The following RPRD1A variants were observed in gnomAD, a reference collection of about 807,000 sequenced individuals.
RPRD1A encodes the protein regulation of nuclear pre-mRNA domain-containing protein 1A.
RPRD1A carries 9 observed loss-of-function variants against 37.8 expected under a neutral mutation model. The ratio of observed to expected loss-of-function variants is 0.24; its 90% CI spans 0.14 to 0.42. The LOEUF (loss-of-function observed/expected upper bound fraction) is 0.42. Among genes scored for constraint, RPRD1A ranks in the 10% least tolerant of loss-of-function variants. The pLI, the probability that RPRD1A is intolerant of heterozygous loss-of-function variation, is 1.00. For synonymous variants in RPRD1A, 138 were observed against 139.7 expected (o/e 0.99, Z 0.08); for missense variants, 255 against 371.0 (o/e 0.69, Z 2.57).
In RPRD1A at chr18:36,035,032, A is replaced by G. The variant is rs553713704; in HGVS notation, c.152-1195T>C. Reference sequence around the variant, plus strand: ...AAGTTGCTGGCATGGAATAAAAATAAGAAGAGATGGCTATAACAGAGACCA... The same window carrying G: ...AAGTTGCTGGCATGGAATAAAAATAGGAAGAGATGGCTATAACAGAGACCA... On this transcript the variant is annotated intron_variant, in intron 1 of 6. Transcript: ENST00000399022. Among the ~76,000 whole-genome samples, 12 of 152,350 alleles carry G rather than the reference A, an allele frequency of 7.9e-5. No individual in the cohort carries two copies. In the East Asian group the frequency reaches 2.1e-3, roughly 27 times the overall value.
At chr18:36,049,323 C>T (rs1913200195) in intron 1 of RPRD1A, among the ~76,000 whole-genome samples, 1 of 152,100 alleles carries the variant, frequency 6.6e-6, no homozygotes, top group Admixed American at 6.5e-5. Flanking sequence ...AAACTAATTT[C>T]TTTTTTAAAC....
At chr18:36,048,642 C>CT (rs1365504083) in intron 1 of RPRD1A, among the ~76,000 whole-genome samples, 1 of 145,986 alleles carries the variant, frequency 6.8e-6, no homozygotes, top group Non-Finnish European at 1.5e-5. Flanking sequence ...TAAAAAGCAC[C>CT]TAAAAAAAAA....
At chr18:36,007,485 C>T (rs1264369127) in intron 6 of RPRD1A, among the ~76,000 whole-genome samples, 1 of 152,078 alleles carries the variant, frequency 6.6e-6, no homozygotes, top group African/African-American at 2.4e-5. Context: ...TTCCAGTGAT[C>T]GGAATGCAGG....
chr18:36,058,076 C>T (rs929418548), intron 1 of RPRD1A, among the ~76,000 whole-genome samples: 1 of 152,186 alleles, frequency 6.6e-6, no homozygotes, highest in African/African-American at 2.4e-5. Flanking sequence ...CAGGGTCTCA[C>T]TCTGTTGCCC....
rs1459880760 is a variant in RPRD1A at position 36,025,578 on chromosome 18, A to G, written c.789+1322T>C. 5 of 1,218,732 alleles carry G rather than the reference A, an allele frequency of 4.1e-6. No individual in the cohort carries two copies. In the East Asian group the frequency reaches 2.8e-4, roughly 69 times the overall value. The allele number at this position is 1,218,732 out of a possible 1,614,324, so 75.5% of individuals were successfully genotyped here. Reference sequence around the variant, plus strand: ...TACAGTCTTCTCTTCAATTTTCAAAAACATGAGACAATACAGGCTTCAGGG... The same window carrying G: ...TACAGTCTTCTCTTCAATTTTCAAAGACATGAGACAATACAGGCTTCAGGG... On this transcript the variant is annotated intron_variant, in intron 6 of 6. Coordinates refer to ENST00000399022, the MANE Select transcript of RPRD1A (RefSeq NM_018170.5).
At chr18:36,025,907 A>C (rs912807312) in intron 6 of RPRD1A, 13 of 286,930 alleles carry the variant, frequency 4.5e-5, no homozygotes, top group Admixed American at 2.5e-4. Context: ...ACCTCTTCAA[A>C]GGTATAGTGG....
intron 6 of RPRD1A, among the ~76,000 whole-genome samples, chr18:36,010,411 T>A (rs1008776120): frequency 2.0e-5 from 3 of 152,168 alleles, no homozygotes; most frequent in African/African-American, 7.2e-5. Context: ...GAGGATTGCT[T>A]GAGCCCAGGA....
At chr18:36,020,054 G>A (rs1159669301) in intron 6 of RPRD1A, among the ~76,000 whole-genome samples, 1 of 152,140 alleles carries the variant, frequency 6.6e-6, no homozygotes, top group Non-Finnish European at 1.5e-5. Flanking sequence ...AATGGAAGGG[G>A]AAGGAAAGGA....
At chr18:36,004,785 C>G (rs1909636728) in intron 6 of RPRD1A, among the ~76,000 whole-genome samples, 2 of 152,116 alleles carry the variant, frequency 1.3e-5, no homozygotes, top group Admixed American at 6.5e-5. Flanking sequence ...CACTTGTAAT[C>G]CCAGCTACTC....
intron 6 of RPRD1A, among the ~76,000 whole-genome samples, chr18:36,024,621 CTTTAAA>C (rs1328274274): frequency 6.6e-6 from 1 of 152,130 alleles, no homozygotes; most frequent in East Asian, 1.9e-4. Flanking sequence ...CGAACTGATA[CTTTAAA>C]TTTATGTTCC....
chr18:36,002,597 T>C (rs1909492023), intron 6 of RPRD1A, among the ~76,000 whole-genome samples: 1 of 152,126 alleles, frequency 6.6e-6, no homozygotes, highest in Non-Finnish European at 1.5e-5. Context: ...TTTCCACCTC[T>C]CTACTTATAT....
At chr18:36,058,187 C>T (rs187383021) in intron 1 of RPRD1A, among the ~76,000 whole-genome samples, 2 of 152,304 alleles carry the variant, frequency 1.3e-5, no homozygotes, top group Non-Finnish European at 2.9e-5. Context: ...GGACTACAGT[C>T]ATGCACCACC....
At chr18:36,031,887 C>T (rs528297456) in intron 2 of RPRD1A, among the ~76,000 whole-genome samples, 1 of 152,342 alleles carries the variant, frequency 6.6e-6, no homozygotes, top group African/African-American at 2.4e-5. Context: ...GGCCCACATG[C>T]TCTGCTTTCT....
Position 36,007,296 on chromosome 18 carries a change from TAC to T in RPRD1A, c.790-13998_790-13997del, listed in dbSNP as rs537481938. Among the ~76,000 whole-genome samples the T allele has an allele frequency of 2.4e-4, 37 of 152,332 alleles. No individual in the cohort carries two copies. The East Asian group carries it at 6.8e-3, about 28-fold the overall frequency. ...GGTCAGAACTATCCCATGATGGCGT[TAC>T]AGTCAGAATTTCAGTTTTGTACAAC... On this transcript the variant is annotated intron_variant, in intron 6 of 6. Coordinates refer to ENST00000399022, the MANE Select transcript of RPRD1A (RefSeq NM_018170.5).
At chr18:36,005,367 GA>G (rs1909685818) in intron 6 of RPRD1A, among the ~76,000 whole-genome samples, 1 of 147,130 alleles carries the variant, frequency 6.8e-6, no homozygotes, top group South Asian at 2.1e-4. Context: ...AAAACATAAT[GA>G]AACAAAATAT....
chr18:36,066,665 G>A (rs2089037142), intron 1 of RPRD1A, among the ~76,000 whole-genome samples: 1 of 152,104 alleles, frequency 6.6e-6, no homozygotes, highest in South Asian at 2.1e-4. Flanking sequence ...AGGACTTTAG[G>A]TGACTTACTC....
Position 36,067,428 on chromosome 18 carries a change from G to C in RPRD1A, c.-24C>G. ...ATCCCTCCGACACCACGTTCACGCCGTCCCACGCGGTGGGGCCGAGGGGAG... is the reference window on the plus strand; with the variant it reads ...ATCCCTCCGACACCACGTTCACGCCCTCCCACGCGGTGGGGCCGAGGGGAG... On this transcript the variant is annotated 5_prime_UTR_variant, in exon 1 of 7. Transcript: ENST00000399022. 1 of 1,596,248 alleles carries C rather than the reference G, an allele frequency of 6.3e-7. No individual in the cohort carries two copies. The highest frequency in any genetic ancestry group is 2.3e-5 in the East Asian group (1 of 43,990).
At chr18:36,054,974 T>TA (rs1479038703) in intron 1 of RPRD1A, among the ~76,000 whole-genome samples, 1 of 152,220 alleles carries the variant, frequency 6.6e-6, no homozygotes, top group African/African-American at 2.4e-5. Flanking sequence ...AAGGCATACT[T>TA]ACACTAGGGA....
chr18:36,038,674 G>A (rs932243160), intron 1 of RPRD1A, among the ~76,000 whole-genome samples: 5 of 152,214 alleles, frequency 3.3e-5, no homozygotes, highest in Admixed American at 2.6e-4. Context: ...TAGATCCACA[G>A]ACAACTTGCA....
Sources: gnomAD v4.1 joint callset for allele counts (sites outside exome capture counted in the v4.1 genomes callset) on GRCh38, gnomAD v4.1.1 for gene constraint, MANE v1.5 for transcripts, NCBI Gene and HGNC (gene_info 2026-07-23, HGNC 2026-07-21) for gene names.